The following THSD7B variants were observed in gnomAD, a reference collection of about 807,000 sequenced individuals.
The protein encoded by THSD7B is thrombospondin type 1 domain containing 7B.
A neutral mutation model predicts 213.6 loss-of-function variants in THSD7B; 138 were observed. The observed-to-expected ratio is 0.65, with a 90% CI of 0.56 to 0.74. The LOEUF (loss-of-function observed/expected upper bound fraction) is 0.74, where lower values mean the gene tolerates loss of function less well. Ranked by LOEUF, THSD7B falls within the 30% of genes least tolerant of loss-of-function variation. The pLI is 0.00. For synonymous variants in THSD7B, 742 were observed against 687.0 expected (o/e 1.08, Z -1.25); for missense variants, 1,931 against 1,991.5 (o/e 0.97, Z 0.58).
At position 137,558,888 on chromosome 2, in the gene THSD7B, G is replaced by T. The variant is rs552718294; in HGVS notation, c.3139-4333G>T. Among the ~76,000 whole-genome samples, 9 of 152,260 alleles carry T rather than the reference G, an allele frequency of 5.9e-5. No individual in the cohort carries two copies. The South Asian group carries it at 1.9e-3, about 32-fold the overall frequency. ...AAGTCTCAGGATACAAAATCAGTGT[G>T]CAAAAATCACAAGCATTCTTATACA... is the stretch of plus-strand genomic sequence containing the variant. On this transcript the variant is annotated intron_variant, in intron 15 of 27. Transcript: ENST00000409968.
intron 1 of THSD7B, among the ~76,000 whole-genome samples, chr2:136,803,882 G>A (rs1682233631): frequency 6.6e-6 from 1 of 152,186 alleles, no homozygotes; most frequent in South Asian, 2.1e-4. Flanking sequence ...AGCTCAAGGT[G>A]TGAGGAAATT....
At chr2:137,020,285 C>T (rs1454561977) in intron 2 of THSD7B, among the ~76,000 whole-genome samples, 1 of 152,098 alleles carries the variant, frequency 6.6e-6, no homozygotes, top group African/African-American at 2.4e-5. Flanking sequence ...GCAAGTGGAC[C>T]TATGTGAATG....
At chr2:137,341,336 A>G (rs543213741) in intron 12 of THSD7B, among the ~76,000 whole-genome samples, 2 of 150,984 alleles carry the variant, frequency 1.3e-5, no homozygotes, top group Admixed American at 6.6e-5. Context: ...TATATATTGA[A>G]TATTAACCCC....
At chr2:137,160,446 G>A in intron 6 of THSD7B, 78 bp downstream of exon 6, 1 of 1,532,368 alleles carries the variant, frequency 6.5e-7, no homozygotes, top group South Asian at 1.3e-5. Flanking sequence ...CACTGATTAA[G>A]CCTGCTTAAG....
At chr2:137,068,030 G>T (rs902607662) in intron 3 of THSD7B, among the ~76,000 whole-genome samples, 4 of 151,990 alleles carry the variant, frequency 2.6e-5, no homozygotes, top group African/African-American at 9.7e-5. Context: ...CTCTGGTCCT[G>T]GTTCTAGTAG....
At chr2:137,137,181 T>A (rs1679482401) in intron 5 of THSD7B, among the ~76,000 whole-genome samples, 1 of 152,184 alleles carries the variant, frequency 6.6e-6, no homozygotes, top group Non-Finnish European at 1.5e-5. Flanking sequence ...AACAGCAAAA[T>A]GTTCAAATGA....
At chr2:137,050,811 T>G (rs1031631255) in intron 2 of THSD7B, among the ~76,000 whole-genome samples, 6 of 152,226 alleles carry the variant, frequency 3.9e-5, no homozygotes, top group African/African-American at 1.4e-4. Context: ...AAATGGAATT[T>G]TTTAATGAAA....
chr2:137,622,655 C>A (rs190902927), intron 20 of THSD7B, among the ~76,000 whole-genome samples: 1 of 152,014 alleles, frequency 6.6e-6, no homozygotes, highest in Non-Finnish European at 1.5e-5. Flanking sequence ...ATATCACCAC[C>A]GATCCCACAG....
intron 12 of THSD7B, among the ~76,000 whole-genome samples, chr2:137,276,608 G>C (rs67409601): frequency 0.17 from 25,226 of 151,944 alleles, 2,545 homozygotes; most frequent in East Asian, 0.48. Context: ...GAAGGTGTGG[G>C]AAATCTCTGA....
intron 15 of THSD7B, among the ~76,000 whole-genome samples, chr2:137,513,089 A>G (rs1680000210): frequency 6.6e-6 from 1 of 152,220 alleles, no homozygotes. Context: ...GTCTTCCTCA[A>G]ACTTTATCGC....
intron 5 of THSD7B, among the ~76,000 whole-genome samples, chr2:137,124,568 G>C (rs1688600417): frequency 6.6e-6 from 1 of 152,238 alleles, no homozygotes; most frequent in East Asian, 1.9e-4. Flanking sequence ...ACAGGGGAAA[G>C]GGGGGAGGGA....
At chr2:137,183,079 A>G in intron 7 of THSD7B, among the ~76,000 whole-genome samples, 1 of 152,136 alleles carries the variant, frequency 6.6e-6, no homozygotes, top group East Asian at 1.9e-4. Context: ...TGGAAATGAC[A>G]ACTGATTTCA....
At chr2:137,018,375 G>A (rs937603949) in intron 2 of THSD7B, among the ~76,000 whole-genome samples, 9 of 152,120 alleles carry the variant, frequency 5.9e-5, no homozygotes, top group African/African-American at 1.9e-4. Flanking sequence ...TAACAAAGAT[G>A]TTAGCAGGTG....
At chr2:137,286,473 C>A (rs1683182240) in intron 12 of THSD7B, among the ~76,000 whole-genome samples, 1 of 152,074 alleles carries the variant, frequency 6.6e-6, no homozygotes, top group Non-Finnish European at 1.5e-5. Flanking sequence ...TTTTAGGAGA[C>A]AAAGGATACC....
At chr2:137,287,368 C>G (rs895039801) in intron 12 of THSD7B, among the ~76,000 whole-genome samples, 1 of 152,008 alleles carries the variant, frequency 6.6e-6, no homozygotes, top group African/African-American at 2.4e-5. Context: ...TTTTATAACA[C>G]CAGAGGCATT....
intron 3 of THSD7B, among the ~76,000 whole-genome samples, chr2:137,069,278 G>A (rs1010996890): frequency 2.0e-5 from 3 of 151,942 alleles, no homozygotes; most frequent in Non-Finnish European, 2.9e-5. Context: ...CTTGTGAAAT[G>A]CAATAGTCTT....
At chr2:136,805,322 T>A (rs1027519160) in intron 1 of THSD7B, among the ~76,000 whole-genome samples, 1 of 152,172 alleles carries the variant, frequency 6.6e-6, no homozygotes, top group Non-Finnish European at 1.5e-5. Flanking sequence ...CACAGTTCAA[T>A]CTGTCTGTGT....
At chr2:137,593,783 T>C (rs1681908010) in intron 17 of THSD7B, among the ~76,000 whole-genome samples, 1 of 152,018 alleles carries the variant, frequency 6.6e-6, no homozygotes, top group African/African-American at 2.4e-5. Flanking sequence ...CTTCTGTTGA[T>C]GCCAAATTTA....
At chr2:136,855,216 A>G (rs1573671156) in intron 1 of THSD7B, among the ~76,000 whole-genome samples, 1 of 152,022 alleles carries the variant, frequency 6.6e-6, no homozygotes, top group East Asian at 1.9e-4. Context: ...TGAAGTGAAG[A>G]GTGGGTACAT....
Sources: allele counts gnomAD v4.1 joint callset (sites outside exome capture counted in the v4.1 genomes callset), GRCh38; gene constraint gnomAD v4.1.1; transcripts MANE v1.5; gene names NCBI Gene and HGNC (gene_info 2026-07-23, HGNC 2026-07-21).